Variants in MBOAT2 observed in about 807,000 individuals in gnomAD.
The protein encoded by MBOAT2 is membrane-bound glycerophospholipid O-acyltransferase 2.
Under a neutral mutation model 63.4 loss-of-function variants are expected in MBOAT2, and 28 were observed. The ratio of observed to expected loss-of-function variants is 0.44; its 90% CI spans 0.33 to 0.61. The LOEUF (loss-of-function observed/expected upper bound fraction) is 0.61, where lower values mean the gene tolerates loss of function less well. Ranked by LOEUF, MBOAT2 falls within the 20% of genes least tolerant of loss-of-function variation. MBOAT2 has a pLI of 0.03. For missense variants in MBOAT2, 470 were observed against 605.8 expected (o/e 0.78, Z 2.35); for synonymous variants, 211 against 215.6 (o/e 0.98, Z 0.19).
At chr2:8,915,271 T>C (rs1666086772) in intron 3 of MBOAT2, among the ~76,000 whole-genome samples, 1 of 152,162 alleles carries the variant, frequency 6.6e-6, no homozygotes, top group Non-Finnish European at 1.5e-5. Context: ...TGGCTTGCAT[T>C]GTATTTCTAT....
At chr2:8,970,965 G>C (rs1345934416) in intron 1 of MBOAT2, among the ~76,000 whole-genome samples, 1 of 152,138 alleles carries the variant, frequency 6.6e-6, no homozygotes, top group South Asian at 2.1e-4. Flanking sequence ...CATTCCTTCT[G>C]AAACTATTCC....
chr2:8,929,125 T>C (rs550049865), intron 3 of MBOAT2, among the ~76,000 whole-genome samples: 1 of 152,236 alleles, frequency 6.6e-6, no homozygotes, highest in Non-Finnish European at 1.5e-5. Flanking sequence ...GTACCTTTTT[T>C]GTATGCCAGG....
chr2:8,905,991 T>C (rs760664770), intron 4 of MBOAT2, among the ~76,000 whole-genome samples: 44 of 152,234 alleles, frequency 2.9e-4, no homozygotes, highest in African/African-American at 9.6e-5. Context: ...AGGTTCTCAC[T>C]GTGTCACCTG....
intron 1 of MBOAT2, among the ~76,000 whole-genome samples, chr2:8,977,396 T>C (rs1356446172): frequency 6.6e-6 from 1 of 152,172 alleles, no homozygotes; most frequent in Non-Finnish European, 1.5e-5. Flanking sequence ...GAAATGTCTG[T>C]ATTTCTTCCC....
chr2:8,978,413 A>C (rs1158359430), intron 1 of MBOAT2, among the ~76,000 whole-genome samples: 1 of 152,174 alleles, frequency 6.6e-6, no homozygotes, highest in Non-Finnish European at 1.5e-5. Flanking sequence ...TTTTCATTAT[A>C]TAAAATGATC....
intron 3 of MBOAT2, among the ~76,000 whole-genome samples, chr2:8,913,475 A>T (rs146547239): frequency 6.6e-6 from 1 of 152,096 alleles, no homozygotes. Context: ...GAACTCAATC[A>T]GTAAGAAAAA....
chr2:8,866,297 A>AGGTATACAGATACACAGTGTATCTGT (rs1553349165), intron 9 of MBOAT2, among the ~76,000 whole-genome samples: 1 of 152,178 alleles, frequency 6.6e-6, no homozygotes, highest in Non-Finnish European at 1.5e-5. Context: ...GTGTATCAAT[A>AGGTATACAGATACACAGTGTATCTGT]GGTATACAGA....
intron 3 of MBOAT2, among the ~76,000 whole-genome samples, chr2:8,912,351 GAGAAAGAAAGAAAGAAAGAAAGAGAA>G (rs1665805672): frequency 1.4e-4 from 10 of 69,868 alleles, no homozygotes; most frequent in East Asian, 5.0e-4. Flanking sequence ...AAGAAAGAAA[GAGAAAGAAAGAAAGAAAGAAAGAGAA>G]AGAAAGAAAG....
At chr2:8,858,988 C>T in intron 12 of MBOAT2, 84 bp from the exon 13 acceptor site, 2 of 970,014 alleles carry the variant, frequency 2.1e-6, no homozygotes, top group Non-Finnish European at 3.1e-6. Flanking sequence ...TGTCACATGG[C>T]CCACCTTAGG....
rs371985854 is a variant in MBOAT2, at chr2:8,915,086, C to T, written c.300-6370G>A. Among the ~76,000 whole-genome samples, 25 of 151,174 alleles carry T rather than the reference C, an allele frequency of 1.7e-4. No individual in the cohort carries two copies. In the East Asian group the frequency reaches 4.7e-3, roughly 28 times the overall value. ...CCCGAGTAGCTGAGACTACAGGTAC[C>T]CGCCATCACACCCAGCTAATTTTTG... On this transcript the variant is annotated intron_variant, in intron 3 of 12. Coordinates refer to ENST00000305997, the MANE Select transcript of MBOAT2 (RefSeq NM_138799.4).
intron 11 of MBOAT2, among the ~76,000 whole-genome samples, chr2:8,861,870 C>A (rs1186082032): frequency 6.6e-6 from 1 of 152,176 alleles, no homozygotes; most frequent in Non-Finnish European, 1.5e-5. Context: ...CTGGAAGCTA[C>A]CCTTAGTTAA....
intron 4 of MBOAT2, among the ~76,000 whole-genome samples, chr2:8,904,997 T>TAC (rs370560826): frequency 1.4e-3 from 216 of 151,428 alleles, no homozygotes; most frequent in Non-Finnish European, 2.3e-3. Flanking sequence ...AATTTACACA[T>TAC]ACACACACAC....
intron 4 of MBOAT2, among the ~76,000 whole-genome samples, chr2:8,896,099 C>T (rs191117289): frequency 8.9e-4 from 136 of 152,114 alleles, no homozygotes; most frequent in East Asian, 8.9e-3. Flanking sequence ...ATTATCCAGG[C>T]GTGGTGGCAG....
intron 2 of MBOAT2, among the ~76,000 whole-genome samples, chr2:8,945,951 G>C (rs1668384492): frequency 6.6e-6 from 1 of 152,146 alleles, no homozygotes; most frequent in Admixed American, 6.5e-5. Context: ...AAGTCAATGA[G>C]ACCGTTTATG....
At chr2:8,956,893 T>C (rs922809554) in intron 2 of MBOAT2, among the ~76,000 whole-genome samples, 1 of 152,178 alleles carries the variant, frequency 6.6e-6, no homozygotes, top group Non-Finnish European at 1.5e-5. Flanking sequence ...AGTACCTCCA[T>C]GTTACACAAC....
chr2:8,928,565 G>A (rs770361133), intron 3 of MBOAT2, among the ~76,000 whole-genome samples: 3 of 151,974 alleles, frequency 2.0e-5, no homozygotes, highest in African/African-American at 7.3e-5. Context: ...ATAAATAATA[G>A]CCATTGATAT....
chr2:8,856,145 G>A lies in MBOAT2; in HGVS notation c.*2534C>T, dbSNP rs1166017953. On this transcript the variant is annotated 3_prime_UTR_variant, in exon 13 of 13. Coordinates refer to ENST00000305997, the MANE Select transcript of MBOAT2 (RefSeq NM_138799.4). This position sits in a 1 kb window ranked among gnomAD's most constrained non-coding sequence, Gnocchi z 4.2. The stretch of plus-strand genomic sequence containing the variant: ...GGATATGGAATTATTATCTTCGAAG[G>A]AACCAGAAAACCAATCAAATATCTT... 1 of 152,112 alleles carries A rather than the reference G, an allele frequency of 6.6e-6. No individual in the cohort carries two copies. Among genetic ancestry groups the A allele is most frequent in the Non-Finnish European group, 1.5e-5 (1 of 68,022 alleles). The allele number at this position is 152,112 out of a possible 1,614,324, so 9.4% of individuals were successfully genotyped here. A position where few individuals can be genotyped will look rare whatever the true frequency, so the allele number is the denominator to read the frequency against.
At chr2:8,948,383 A>T (rs763970580) in intron 2 of MBOAT2, among the ~76,000 whole-genome samples, 3 of 152,200 alleles carry the variant, frequency 2.0e-5, no homozygotes, top group Non-Finnish European at 2.9e-5. Flanking sequence ...ATACATATGC[A>T]GTACCTAGGT....
intron 9 of MBOAT2, 82 bp from the exon 10 acceptor site, chr2:8,864,316 TAAAAAC>T: frequency 1.2e-6 from 1 of 814,364 alleles, no homozygotes; most frequent in Non-Finnish European, 1.8e-6. Flanking sequence ...TGCTAAAAAA[TAAAAAC>T]AAAAATTACT....
Sources: allele counts gnomAD v4.1 joint callset (sites outside exome capture counted in the v4.1 genomes callset), GRCh38; gene constraint gnomAD v4.1.1; non-coding constraint Gnocchi (gnomAD v3.1); transcripts MANE v1.5; gene names NCBI Gene and HGNC (gene_info 2026-07-23, HGNC 2026-07-21).